KLHL14: variants seen among roughly 807,000 people sequenced by gnomAD.
KLHL14 encodes kelch-like protein 14.
KLHL14 carries 22 observed loss-of-function variants against 64.3 expected under a neutral mutation model. That is an observed-to-expected ratio of 0.34 (90% CI 0.24 to 0.49). The LOEUF is 0.49. Among genes scored for constraint, KLHL14 ranks in the 20% least tolerant of loss-of-function variants. KLHL14 has a pLI of 0.99. For missense variants in KLHL14, 661 were observed against 789.0 expected, an observed-to-expected ratio of 0.84 and a Z score of 1.94; for synonymous variants, 322 against 333.4, an observed-to-expected ratio of 0.97 and a Z score of 0.37.
intron 3 of KLHL14, among the ~76,000 whole-genome samples, chr18:32,716,310 A>C (rs12971179): frequency 0.24 from 36,574 of 152,132 alleles, 4,611 homozygotes; most frequent in Middle Eastern, 0.32. Flanking sequence ...TGGTAAATAC[A>C]AATTATCAAT....
intron 3 of KLHL14, among the ~76,000 whole-genome samples, chr18:32,734,706 C>T (rs1347185757): frequency 6.6e-6 from 1 of 152,168 alleles, no homozygotes; most frequent in Non-Finnish European, 1.5e-5. Flanking sequence ...TGAGCCTGGA[C>T]ATTTATGTGT....
intron 3 of KLHL14, among the ~76,000 whole-genome samples, chr18:32,739,040 A>C (rs2050181713): frequency 6.6e-6 from 1 of 152,150 alleles, no homozygotes; most frequent in African/African-American, 2.4e-5. Flanking sequence ...ATGTTTGCTC[A>C]ACATAAGTGG....
At chr18:32,705,870 C>T (rs2049987692) in intron 3 of KLHL14, among the ~76,000 whole-genome samples, 1 of 152,186 alleles carries the variant, frequency 6.6e-6, no homozygotes, top group South Asian at 2.1e-4. Flanking sequence ...CCTGCTCTAC[C>T]TACTCAAGTT....
intron 2 of KLHL14, among the ~76,000 whole-genome samples, chr18:32,761,176 G>T (rs1203473460): frequency 6.6e-6 from 1 of 152,140 alleles, no homozygotes; most frequent in African/African-American, 2.4e-5. Flanking sequence ...ACTGCTGCAG[G>T]ACTCGGCTAA....
At chr18:32,737,575 T>C (rs1289579709) in intron 3 of KLHL14, 1 of 152,170 alleles carries the variant, frequency 6.6e-6, no homozygotes, top group Non-Finnish European at 1.5e-5. Flanking sequence ...TCACCATTTA[T>C]AGAAAGTATA....
chr18:32,730,422 C>A (rs148094523), intron 3 of KLHL14, among the ~76,000 whole-genome samples: 1 of 152,272 alleles, frequency 6.6e-6, no homozygotes, highest in Non-Finnish European at 1.5e-5. Flanking sequence ...ACTCTGTGTT[C>A]AGGTAGGAAG....
chr18:32,766,398 A>C (rs985035317), intron 2 of KLHL14, among the ~76,000 whole-genome samples: 28 of 152,082 alleles, frequency 1.8e-4, no homozygotes, highest in Admixed American at 1.8e-3. Context: ...CTAAATTTTC[A>C]TGCTTTAGAT....
At chr18:32,692,235 T>G (rs569553978) in intron 4 of KLHL14, among the ~76,000 whole-genome samples, 1 of 152,170 alleles carries the variant, frequency 6.6e-6, no homozygotes, top group Non-Finnish European at 1.5e-5. Context: ...CATCAATAGA[T>G]ATAATTATAT....
chr18:32,769,680 G>T lies in KLHL14; in HGVS notation c.912C>A (p.Pro304=), dbSNP rs745996820. The T allele has an allele frequency of 9.7e-6, 15 of 1,546,588 alleles. No individual in the cohort carries two copies. Among genetic ancestry groups the T allele is most frequent in the Non-Finnish European group, 1.3e-5 (15 of 1,143,696 alleles). ...GGCTCTGCCTGCAGTGCTGCCTGAA[G>T]GGCATCAGGTGGTAGTTCATGGCGT... ...LLDAMNYHLM[P]FRQHCRQSLA... The change falls in exon 2 of 9, where the codon CCC becomes CCA. Residue 304 remains proline (P), a synonymous_variant. Transcript: ENST00000359358.
intron 3 of KLHL14, among the ~76,000 whole-genome samples, chr18:32,700,322 A>G (rs1367939412): frequency 2.0e-5 from 3 of 152,140 alleles, no homozygotes; most frequent in Non-Finnish European, 4.4e-5. Flanking sequence ...GTCAGATATA[A>G]CAAAGTCCTC....
At chr18:32,708,738 G>A (rs1383219640) in intron 3 of KLHL14, among the ~76,000 whole-genome samples, 1 of 152,082 alleles carries the variant, frequency 6.6e-6, no homozygotes, top group African/African-American at 2.4e-5. Context: ...GGAGCTGAAA[G>A]GAGAACACTT....
chr18:32,693,427 G>C (rs546051945), intron 4 of KLHL14, among the ~76,000 whole-genome samples: 111 of 149,924 alleles, frequency 7.4e-4, no homozygotes, highest in South Asian at 4.4e-3. Flanking sequence ...GAGAGAGAGA[G>C]AGAGAGAGAG....
At chr18:32,689,231 CAG>C (rs1255348842) in intron 4 of KLHL14, among the ~76,000 whole-genome samples, 1 of 151,896 alleles carries the variant, frequency 6.6e-6, no homozygotes, top group Non-Finnish European at 1.5e-5. Flanking sequence ...GTCATTAGTC[CAG>C]AGTTATTATT....
rs2050057913 is a variant in KLHL14 at position 32,718,546 on chromosome 18, C to T, written c.1070-22994G>A. Among the ~76,000 whole-genome samples the T allele has an allele frequency of 2.0e-5, 3 of 152,194 alleles. No individual in the cohort carries two copies. In the South Asian group the frequency reaches 6.2e-4, roughly 32 times the overall value. On this transcript the variant is annotated intron_variant, in intron 3 of 8. Coordinates refer to ENST00000359358, the MANE Select transcript of KLHL14 (RefSeq NM_020805.3). ...ATCTTGCTTATGATTAGCAAGAGAGCCCAGATACTAAACATCAATGGGCAG... is the reference window on the plus strand; with the variant it reads ...ATCTTGCTTATGATTAGCAAGAGAGTCCAGATACTAAACATCAATGGGCAG...
Position 32,758,116 on chromosome 18 carries a change from G to GT in KLHL14, c.947+11528dup, listed in dbSNP as rs1330488826. 3.9e-3 allele frequency among the ~76,000 whole-genome samples: 591 copies of GT among 150,586 alleles called. 2 individuals carry two copies. The highest frequency in any genetic ancestry group is 6.0e-3 in the Non-Finnish European group (403 of 67,538). On this transcript the variant is annotated intron_variant, in intron 2 of 8. Transcript: ENST00000359358. ...TCTCTCTCTTTTGTATCTTTTTGTT[G>GT]TTTTTTTTTGTTTGTTTGTTTTTAG... is the stretch of plus-strand genomic sequence containing the variant.
At chr18:32,753,266 T>C (rs138396906) in intron 2 of KLHL14, among the ~76,000 whole-genome samples, 194 of 152,318 alleles carry the variant, frequency 1.3e-3, no homozygotes, top group Non-Finnish European at 1.7e-3. Flanking sequence ...CTTTAATATC[T>C]GAAGCTCTGA....
intron 3 of KLHL14, among the ~76,000 whole-genome samples, chr18:32,709,077 C>T (rs1257658426): frequency 6.6e-6 from 1 of 152,178 alleles, no homozygotes; most frequent in Non-Finnish European, 1.5e-5. Context: ...CACTTCTATT[C>T]AGTCATTTCC....
At chr18:32,731,213 A>T (rs1027022374) in intron 3 of KLHL14, among the ~76,000 whole-genome samples, 1 of 152,208 alleles carries the variant, frequency 6.6e-6, no homozygotes, top group Non-Finnish European at 1.5e-5. Flanking sequence ...CATCTCATGG[A>T]TTTGAAAAGA....
intron 3 of KLHL14, among the ~76,000 whole-genome samples, chr18:32,737,103 C>T (rs551067167): frequency 6.6e-6 from 1 of 152,036 alleles, no homozygotes; most frequent in Non-Finnish European, 1.5e-5. Flanking sequence ...AAAAGTACCT[C>T]ATTGTTTTCT....
Sources: allele counts gnomAD v4.1 joint callset (sites outside exome capture counted in the v4.1 genomes callset), GRCh38; gene constraint gnomAD v4.1.1; transcripts MANE v1.5; gene names NCBI Gene and HGNC (gene_info 2026-07-23, HGNC 2026-07-21).